Variants in CRABP1 observed in about 807,000 individuals in gnomAD.
The protein encoded by CRABP1 is cellular retinoic acid-binding protein 1.
CRABP1 carries 9 observed loss-of-function variants against 16.4 expected under a neutral mutation model. That is an observed-to-expected ratio of 0.55 (90% CI 0.33 to 0.96). CRABP1 has a LOEUF of 0.96. Ranked by LOEUF, CRABP1 falls within the 40% of genes least tolerant of loss-of-function variation. The pLI, the probability that CRABP1 is intolerant of heterozygous loss-of-function variation, is 0.03. For missense variants in CRABP1, 157 were observed against 186.0 expected (o/e 0.84, Z 0.91); for synonymous variants, 72 against 70.4 (o/e 1.02, Z -0.11).
chr15:78,344,336 T>C (rs968795050), intron 3 of CRABP1, among the ~76,000 whole-genome samples: 1 of 152,118 alleles, frequency 6.6e-6, no homozygotes, highest in African/African-American at 2.4e-5. Context: ...GGCATATGCC[T>C]GTAATCCCAG....
chr15:78,345,903 C>T (rs952359193), intron 3 of CRABP1, among the ~76,000 whole-genome samples: 3 of 152,182 alleles, frequency 2.0e-5, no homozygotes, highest in Non-Finnish European at 4.4e-5. Flanking sequence ...CAGTAAATTG[C>T]CCCCAGGCTA....
intron 1 of CRABP1, 96 bp downstream of exon 1, chr15:78,340,594 G>A: frequency 7.0e-7 from 1 of 1,424,612 alleles, no homozygotes; most frequent in Non-Finnish European, 9.5e-7. Flanking sequence ...GTGGAAGTTG[G>A]GGAGCCCAGG....
At chr15:78,345,449 G>A (rs1399789550) in intron 3 of CRABP1, among the ~76,000 whole-genome samples, 1 of 152,150 alleles carries the variant, frequency 6.6e-6, no homozygotes, top group Non-Finnish European at 1.5e-5. Context: ...GCAATTTGAG[G>A]CTGAGACATG....
rs141971596 is a variant in CRABP1 at position 78,342,686 on chromosome 15, C to G, written c.250-813C>G. Reference sequence around the variant, plus strand: ...CCGGGAAAGTGGCAGCATTTTAACCCTCAGAGCCAAAGACACCGAGGTTTA... The same window carrying G: ...CCGGGAAAGTGGCAGCATTTTAACCGTCAGAGCCAAAGACACCGAGGTTTA... On this transcript the variant is annotated intron_variant, in intron 2 of 3. Transcript: ENST00000299529. 1.7e-3 allele frequency among the ~76,000 whole-genome samples: 259 copies of G among 152,226 alleles called. 1 individual carries two copies. The highest frequency in any genetic ancestry group is 6.0e-3 in the African/African-American group (251 of 41,530).
Position 78,341,585 on chromosome 15 carries a change from C to G in CRABP1, c.249+364C>G. 3.2e-6 allele frequency: 1 copy of G among 311,274 alleles called. No homozygotes were observed. Among genetic ancestry groups the G allele is most frequent in the Non-Finnish European group, 6.3e-6 (1 of 159,158 alleles). The allele number at this position is 311,274 out of a possible 1,614,324, so 19.3% of individuals were successfully genotyped here. ...TTGCAGGAGCCGCCAGGTTCTCTGTCGCAGGTGAAGCCGCAGCTCTTGCAT... is the reference window on the plus strand; with the variant it reads ...TTGCAGGAGCCGCCAGGTTCTCTGTGGCAGGTGAAGCCGCAGCTCTTGCAT... On this transcript the variant is annotated intron_variant, in intron 2 of 3. Coordinates refer to ENST00000299529, the MANE Select transcript of CRABP1 (RefSeq NM_004378.3). The surrounding 1 kb of genome is among the most constrained non-coding windows in gnomAD (Gnocchi z 5.3).
chr15:78,340,730 C>G, intron 1 of CRABP1: 1 of 604,040 alleles, frequency 1.7e-6, no homozygotes, highest in Non-Finnish European at 2.9e-6. Flanking sequence ...GCGCCCTCCT[C>G]GATGGTGCGG....
At position 78,348,034 on chromosome 15, in the gene CRABP1, G is replaced by A; in HGVS notation, c.*57G>A. 6.4e-7 allele frequency: 1 copy of A among 1,554,802 alleles called. No individual in the cohort carries two copies. Among genetic ancestry groups the A allele is most frequent in the Non-Finnish European group, 8.8e-7 (1 of 1,130,344 alleles). ...GGATGCAGGCTCCCCTGAGGAATAT[G>A]TCATAGTTCTGAGCTGCCAGTGGAC... On this transcript the variant is annotated 3_prime_UTR_variant, in exon 4 of 4. Transcript: ENST00000299529.
chr15:78,343,390 G>T, intron 2 of CRABP1, 109 bp from the exon 3 acceptor site: 2 of 829,884 alleles, frequency 2.4e-6, no homozygotes, highest in Non-Finnish European at 3.9e-6. Context: ...TGCTGACAGG[G>T]ACCATGTGTT....
rs1361975542 is a variant in CRABP1, at chr15:78,348,082, T to A, written c.*105T>A. ...GACCGCCCTTTTCCCCTACCAATAT[T>A]AGGTGATCCCGTTTTCCCCATGACA... is the stretch of plus-strand genomic sequence containing the variant. On this transcript the variant is annotated 3_prime_UTR_variant, in exon 4 of 4. Transcript: ENST00000299529. 9.3e-7 allele frequency: 1 copy of A among 1,071,108 alleles called. No homozygotes were observed. 66.4% of individuals were successfully genotyped at this position (1,071,108 alleles called of 1,614,324 possible). A position where few individuals can be genotyped will look rare whatever the true frequency, so the allele number is the denominator to read the frequency against.
At chr15:78,341,000 C>T (rs1268708400) in intron 1 of CRABP1, 43 bp from the exon 2 acceptor site, 7 of 1,569,722 alleles carry the variant, frequency 4.5e-6, no homozygotes, top group Middle Eastern at 2.2e-4. Flanking sequence ...CCGAGACTGG[C>T]GGCGAGGCCC....
intron 3 of CRABP1, 50 bp downstream of exon 3, chr15:78,343,662 C>G: frequency 7.0e-7 from 1 of 1,438,698 alleles, no homozygotes; most frequent in Non-Finnish European, 9.7e-7. Flanking sequence ...CCAGAGGGGG[C>G]CCCAGATGGG....
At position 78,343,480 on chromosome 15, in the gene CRABP1, A is replaced by C; in HGVS notation, c.250-19A>C. 6.3e-7 allele frequency: 1 copy of C among 1,594,976 alleles called. No individual in the cohort carries two copies. The highest frequency in any genetic ancestry group is 8.6e-7 in the Non-Finnish European group (1 of 1,163,084). Reference sequence around the variant, plus strand: ...GCTGAGACTCTAATTAATGTCACTAATGGTTTTCCCGCCTGCAGAGTTTAG... The same window carrying C: ...GCTGAGACTCTAATTAATGTCACTACTGGTTTTCCCGCCTGCAGAGTTTAG... On this transcript the variant is annotated intron_variant, in intron 2 of 3. Transcript: ENST00000299529.
At chr15:78,340,539 G>A in intron 1 of CRABP1, 41 bp downstream of exon 1, 1 of 1,585,714 alleles carries the variant, frequency 6.3e-7, no homozygotes, top group Non-Finnish European at 8.6e-7. Flanking sequence ...GGGAGATGCG[G>A]CCCGGAGGTG....
At chr15:78,346,229 C>A (rs982640811) in intron 3 of CRABP1, among the ~76,000 whole-genome samples, 1 of 152,136 alleles carries the variant, frequency 6.6e-6, no homozygotes, top group African/African-American at 2.4e-5. Flanking sequence ...CAGACATCTG[C>A]GAGGTAGACT....
At position 78,341,666 on chromosome 15, in the gene CRABP1, C is replaced by G. The variant is rs2050236135; in HGVS notation, c.249+445C>G. The G allele has an allele frequency of 3.5e-6, 1 of 289,146 alleles. No individual in the cohort carries two copies. Among genetic ancestry groups the G allele is most frequent in the East Asian group, 9.2e-5 (1 of 10,870 alleles). The allele number at this position is 289,146 out of a possible 1,614,324, so 17.9% of individuals were successfully genotyped here. A position where few individuals can be genotyped will look rare whatever the true frequency, so the allele number is the denominator to read the frequency against. On this transcript the variant is annotated intron_variant, in intron 2 of 3. Transcript: ENST00000299529. The surrounding 1 kb of genome is among the most constrained non-coding windows in gnomAD (Gnocchi z 5.3). ...CGGGTCCCTGGGCCGCCTGGGTACG[C>G]TCTGGATACAGTTTTAGCAGTCCCG... is the stretch of plus-strand genomic sequence containing the variant.
At chr15:78,344,823 G>T (rs929490166) in intron 3 of CRABP1, among the ~76,000 whole-genome samples, 5 of 151,938 alleles carry the variant, frequency 3.3e-5, no homozygotes, top group African/African-American at 1.2e-4. Flanking sequence ...GGCTGAAGTG[G>T]GAGGATCACT....
rs750245245 is a variant in CRABP1, at chr15:78,343,491, G to T, written c.250-8G>T. 6.2e-7 allele frequency: 1 copy of T among 1,610,610 alleles called. No homozygotes were observed. Among genetic ancestry groups the T allele is most frequent in the African/African-American group, 1.3e-5 (1 of 74,844 alleles). On this transcript the variant is annotated splice_region_variant and splice_polypyrimidine_tract_variant and intron_variant, in intron 2 of 3. Coordinates refer to ENST00000299529, the MANE Select transcript of CRABP1 (RefSeq NM_004378.3). The stretch of plus-strand genomic sequence containing the variant: ...AATTAATGTCACTAATGGTTTTCCC[G>T]CCTGCAGAGTTTAGCCACTTGGGAG...
chr15:78,346,062 T>C (rs1256616712), intron 3 of CRABP1, among the ~76,000 whole-genome samples: 1 of 152,202 alleles, frequency 6.6e-6, no homozygotes. Context: ...TTTCTTCTCA[T>C]GTCATGAAGC....
At chr15:78,343,857 C>A (rs2050249686) in intron 3 of CRABP1, among the ~76,000 whole-genome samples, 1 of 152,200 alleles carries the variant, frequency 6.6e-6, no homozygotes, top group Non-Finnish European at 1.5e-5. Flanking sequence ...GAGTGCCTGC[C>A]ACTATCCACA....
Sources: gnomAD v4.1 joint callset for allele counts (sites outside exome capture counted in the v4.1 genomes callset) on GRCh38, gnomAD v4.1.1 for gene constraint, Gnocchi (gnomAD v3.1) non-coding constraint, MANE v1.5 for transcripts, NCBI Gene and HGNC (gene_info 2026-07-23, HGNC 2026-07-21) for gene names.